Variants in BICRA observed in about 807,000 individuals in gnomAD.
The protein encoded by BICRA is BRD4-interacting chromatin-remodeling complex-associated protein.
In BICRA, 31 loss-of-function variants were observed where a neutral mutation model predicts 96.9. That is an observed-to-expected ratio of 0.32 (90% CI 0.24 to 0.43). The LOEUF is 0.43. BICRA is among the 20% of genes least tolerant of loss of function. The probability of loss-of-function intolerance (pLI) is 1.00; values close to 1 mark genes in which losing one functional copy is unlikely to be tolerated. For missense variants in BICRA, 2,283 were observed against 2,190.3 expected (o/e 1.04, Z -0.84); for synonymous variants, 1,350 against 1,071.8 (o/e 1.26, Z -5.07).
At chr19:47,616,294 G>C (rs1211661849) in intron 1 of BICRA, among the ~76,000 whole-genome samples, 3 of 152,158 alleles carry the variant, frequency 2.0e-5, no homozygotes, top group African/African-American at 7.2e-5. Flanking sequence ...TACCCAAGTT[G>C]CTATGGCCTT....
chr19:47,698,477 G>A lies in BICRA; in HGVS notation c.3249-157G>A, dbSNP rs2123612646. Among the ~76,000 whole-genome samples the A allele has an allele frequency of 6.6e-6, 1 of 152,288 alleles. No homozygotes were observed. Among genetic ancestry groups the A allele is most frequent in the Middle Eastern group, 3.4e-3 (1 of 294 alleles). On this transcript the variant is annotated intron_variant, in intron 11 of 14. Coordinates refer to ENST00000594866, the MANE Select transcript of BICRA (RefSeq NM_001394372.1). The surrounding 1 kb of genome is among the most constrained non-coding windows in gnomAD (Gnocchi z 4.8). ...CCAGGGACTCAGTGAGATGGAACAA[G>A]CACGTTCAGTACATGGGAACACCAC...
chr19:47,628,198 G>A (rs922741455), intron 1 of BICRA, among the ~76,000 whole-genome samples: 6 of 152,098 alleles, frequency 3.9e-5, no homozygotes, highest in African/African-American at 1.4e-4. Context: ...ACCCCTCTTC[G>A]GTCTGTATGG....
intron 1 of BICRA, among the ~76,000 whole-genome samples, chr19:47,614,799 G>C (rs981683263): frequency 3.9e-5 from 6 of 152,026 alleles, no homozygotes; most frequent in Non-Finnish European, 8.8e-5. Context: ...CTCCTTTACT[G>C]TTATGGACGT....
chr19:47,700,001 T>C (rs933226440), intron 14 of BICRA: 5 of 153,886 alleles, frequency 3.2e-5, no homozygotes, highest in African/African-American at 1.2e-4. Context: ...TTTGAAAAAG[T>C]AGTCATTGGT....
At chr19:47,609,686 G>A (rs540961332) in intron 1 of BICRA, among the ~76,000 whole-genome samples, 3 of 152,022 alleles carry the variant, frequency 2.0e-5, no homozygotes, top group Non-Finnish European at 4.4e-5. Flanking sequence ...CGGGCAGCGG[G>A]CGGTGATCTC....
chr19:47,653,989 C>T lies in BICRA; in HGVS notation c.-107-16454C>T, dbSNP rs530995705. Reference sequence around the variant, plus strand: ...CTGGTATTACAAGCGTGAGCCACCGCACCCAGCCTTGGGCCAGTTTTTGTG... The same window carrying T: ...CTGGTATTACAAGCGTGAGCCACCGTACCCAGCCTTGGGCCAGTTTTTGTG... On this transcript the variant is annotated intron_variant, in intron 1 of 14. Transcript: ENST00000594866. Among the ~76,000 whole-genome samples the T allele has an allele frequency of 2.0e-5, 3 of 152,176 alleles. No individual in the cohort carries two copies. The South Asian group carries it at 6.2e-4, about 32-fold the overall frequency.
chr19:47,667,299 G>A (rs1354476397), intron 1 of BICRA, among the ~76,000 whole-genome samples: 1 of 152,224 alleles, frequency 6.6e-6, no homozygotes. Flanking sequence ...ACAGGCGTGA[G>A]CCACAGCGCC....
At position 47,649,140 on chromosome 19, in the gene BICRA, T is replaced by A. The variant is rs533348443; in HGVS notation, c.-107-21303T>A. On this transcript the variant is annotated intron_variant, in intron 1 of 14. Coordinates refer to ENST00000594866, the MANE Select transcript of BICRA (RefSeq NM_001394372.1). ...TGCTGGGATTACAGGCGTGAGCCAC[T>A]GCACCCGGCCTAATTTTTGTATTTT... Among the ~76,000 whole-genome samples, 11 of 152,060 alleles carry A rather than the reference T, an allele frequency of 7.2e-5. 1 individual carries two copies. The South Asian group carries it at 2.3e-3, about 32-fold the overall frequency.
chr19:47,670,951 C>T (rs1264622859), intron 2 of BICRA, among the ~76,000 whole-genome samples: 4 of 151,930 alleles, frequency 2.6e-5, no homozygotes, highest in Non-Finnish European at 4.4e-5. Flanking sequence ...AGCGAGAGCC[C>T]GGGAGGCACC....
intron 1 of BICRA, among the ~76,000 whole-genome samples, chr19:47,643,800 C>T (rs2123538535): frequency 6.6e-6 from 1 of 152,266 alleles, no homozygotes; most frequent in Admixed American, 6.5e-5. Flanking sequence ...AATATTTAAG[C>T]GTCCAGAGCC....
At chr19:47,612,366 T>C (rs1971920783) in intron 1 of BICRA, among the ~76,000 whole-genome samples, 1 of 150,728 alleles carries the variant, frequency 6.6e-6, no homozygotes, top group Non-Finnish European at 1.5e-5. Context: ...GGGTGAGCCG[T>C]GATTGTGCCA....
At chr19:47,679,200 G>C in intron 5 of BICRA, 121 bp from the exon 6 acceptor site, 1 of 607,370 alleles carries the variant, frequency 1.6e-6, no homozygotes, top group South Asian at 4.5e-5. Context: ...CATGCCAGGA[G>C]GGAATGTTCT....
intron 1 of BICRA, among the ~76,000 whole-genome samples, chr19:47,633,184 A>G (rs2123525207): frequency 6.8e-6 from 1 of 147,288 alleles, no homozygotes; most frequent in Admixed American, 7.0e-5. Flanking sequence ...AAATTCAAGC[A>G]GTTTTCCTGC....
chr19:47,635,749 G>C (rs1972292246), intron 1 of BICRA, among the ~76,000 whole-genome samples: 1 of 152,042 alleles, frequency 6.6e-6, no homozygotes, highest in Non-Finnish European at 1.5e-5. Flanking sequence ...CACAGTAAAG[G>C]CTCATACATG....
At chr19:47,665,899 A>T (rs1030792754) in intron 1 of BICRA, among the ~76,000 whole-genome samples, 4 of 152,258 alleles carry the variant, frequency 2.6e-5, no homozygotes, top group African/African-American at 9.6e-5. Flanking sequence ...CACACAGGCC[A>T]TGTGCGGCAA....
intron 4 of BICRA, among the ~76,000 whole-genome samples, chr19:47,674,771 A>G (rs1451211783): frequency 1.3e-5 from 2 of 152,188 alleles, no homozygotes; most frequent in Non-Finnish European, 1.5e-5. Context: ...TCTTCACAGC[A>G]TGGCAGCTGG....
Position 47,701,568 on chromosome 19 carries a change from C to T in BICRA, c.3836C>T (p.Ser1279Phe). 1.3e-6 allele frequency: 2 copies of T among 1,553,290 alleles called. No homozygotes were observed. The highest frequency in any genetic ancestry group is 1.4e-5 in the African/African-American group (1 of 73,278). Residue 1279 changes from serine (S) to phenylalanine (F), a missense_variant, in exon 15 of 15, where the codon TCC (serine) becomes TTC (phenylalanine). Physicochemically the swap from Ser to Phe is radical, Grantham distance 155 (BLOSUM62 -2). Coordinates refer to ENST00000594866, the MANE Select transcript of BICRA (RefSeq NM_001394372.1). The surrounding 1 kb of genome is among the most constrained non-coding windows in gnomAD (Gnocchi z 5.4). ...SSSSSSSSAA[S>F]SLDADEDGPM... Reference sequence around the variant, plus strand: ...TCTTCCTCCTCCTCCTCTGCCGCCTCCTCCTTGGACGCCGACGAGGACGGC... The same window carrying T: ...TCTTCCTCCTCCTCCTCTGCCGCCTTCTCCTTGGACGCCGACGAGGACGGC...
intron 1 of BICRA, among the ~76,000 whole-genome samples, chr19:47,661,365 A>T (rs1391605689): frequency 1.3e-5 from 2 of 152,150 alleles, no homozygotes; most frequent in African/African-American, 4.8e-5. Flanking sequence ...ACCAGGGCTC[A>T]TAGCCACGTG....
At position 47,613,564 on chromosome 19, in the gene BICRA, C is replaced by T. The variant is rs73940900; in HGVS notation, c.-108+4396C>T. ...AGAGCAGTCACCCGTGCCGTGTCCA[C>T]GATGACAACTGCTGCCTGCTCCCCC... On this transcript the variant is annotated intron_variant, in intron 1 of 14. Coordinates refer to ENST00000594866, the MANE Select transcript of BICRA (RefSeq NM_001394372.1). Among the ~76,000 whole-genome samples, 1,203 of 152,268 alleles carry T rather than the reference C, an allele frequency of 7.9e-3. 20 individuals carry two copies. The highest frequency in any genetic ancestry group is 0.023 in the African/African-American group (976 of 41,566).
Sources: allele counts gnomAD v4.1 joint callset (sites outside exome capture counted in the v4.1 genomes callset), GRCh38; gene constraint gnomAD v4.1.1; non-coding constraint Gnocchi (gnomAD v3.1); transcripts MANE v1.5; gene names NCBI Gene and HGNC (gene_info 2026-07-23, HGNC 2026-07-21).